Variants in RASGEF1C observed in about 807,000 individuals in gnomAD.
RASGEF1C encodes the protein RasGEF domain family member 1C.
In RASGEF1C, 27 loss-of-function variants were observed where a neutral mutation model predicts 58.1. The ratio of observed to expected loss-of-function variants is 0.46; its 90% CI spans 0.34 to 0.64. The LOEUF (loss-of-function observed/expected upper bound fraction) is 0.64, where lower values mean the gene tolerates loss of function less well. Ranked by LOEUF, RASGEF1C falls within the 30% of genes least tolerant of loss-of-function variation. The pLI is 0.01. For synonymous variants in RASGEF1C, 243 were observed against 246.3 expected, an observed-to-expected ratio of 0.99 and a Z score of 0.13; for missense variants, 502 against 605.1, an observed-to-expected ratio of 0.83 and a Z score of 1.79.
intron 1 of RASGEF1C, among the ~76,000 whole-genome samples, chr5:180,157,098 A>G (rs1766863797): frequency 6.6e-6 from 1 of 152,272 alleles, no homozygotes; most frequent in South Asian, 2.1e-4. Context: ...TTTGCAATGC[A>G]GCTTGGCAGT....
intron 1 of RASGEF1C, among the ~76,000 whole-genome samples, chr5:180,190,455 A>G (rs79948734): frequency 1.8e-5 from 2 of 112,996 alleles, no homozygotes; most frequent in Non-Finnish European, 4.0e-5. Context: ...GCGCCACTGC[A>G]CTCCAGACTG....
intron 1 of RASGEF1C, among the ~76,000 whole-genome samples, chr5:180,176,847 C>T (rs116237389): frequency 0.029 from 4,383 of 152,266 alleles, 211 homozygotes; most frequent in African/African-American, 0.1. Flanking sequence ...TGAGCCACCG[C>T]GCCTGGTCCC....
At position 180,156,549 on chromosome 5, in the gene RASGEF1C, G is replaced by A. The variant is rs865952175; in HGVS notation, c.-6-18491C>T. Among the ~76,000 whole-genome samples, 1 of 152,282 alleles carries A rather than the reference G, an allele frequency of 6.6e-6. No homozygotes were observed. The highest frequency in any genetic ancestry group is 2.4e-5 in the African/African-American group (1 of 41,562). On this transcript the variant is annotated intron_variant, in intron 1 of 13. Coordinates refer to ENST00000361132, the MANE Select transcript of RASGEF1C (RefSeq NM_175062.4). The surrounding 1 kb of genome is among the most constrained non-coding windows in gnomAD (Gnocchi z 4.9). The stretch of plus-strand genomic sequence containing the variant: ...CTTTGGGAAGCTGAGCATGCAGAGT[G>A]CTTGAGTCCAGCAGTTCAAGACCAG...
chr5:180,116,495 T>A (rs955889230), intron 10 of RASGEF1C, among the ~76,000 whole-genome samples: 2 of 152,148 alleles, frequency 1.3e-5, no homozygotes, highest in Admixed American at 6.5e-5. Flanking sequence ...TAAAGCAGCT[T>A]TTGTGGGCCT....
intron 1 of RASGEF1C, among the ~76,000 whole-genome samples, chr5:180,166,579 G>A (rs1001771758): frequency 6.7e-6 from 1 of 150,002 alleles, no homozygotes; most frequent in South Asian, 2.1e-4. Context: ...GCAATGGCAC[G>A]ATCTCAGCTC....
chr5:180,135,197 G>A (rs2113275110), intron 4 of RASGEF1C: 1 of 152,312 alleles, frequency 6.6e-6, no homozygotes, highest in South Asian at 2.1e-4. Context: ...GTGGGGAGGA[G>A]GAAGAGGAAA....
intron 12 of RASGEF1C, among the ~76,000 whole-genome samples, chr5:180,110,881 T>C (rs941797455): frequency 1.3e-5 from 2 of 152,048 alleles, no homozygotes; most frequent in Non-Finnish European, 2.9e-5. Flanking sequence ...AGTGGTGCGA[T>C]CTCGGCTCAC....
chr5:180,127,822 G>A (rs1000966441), intron 5 of RASGEF1C, 139 bp from the exon 6 acceptor site: 1 of 746,760 alleles, frequency 1.3e-6, no homozygotes, highest in Non-Finnish European at 2.1e-6. Flanking sequence ...CTGGGGCTTG[G>A]AGACCCTGTT....
chr5:180,193,857 C>T (rs1055655920), intron 1 of RASGEF1C, among the ~76,000 whole-genome samples: 2 of 152,112 alleles, frequency 1.3e-5, no homozygotes. Context: ...CCCCATCAGT[C>T]CAGGAGGAAT....
rs1345119294 is a variant in RASGEF1C, at chr5:180,143,122, G to A, written c.-6-5064C>T. Among the ~76,000 whole-genome samples the A allele has an allele frequency of 1.3e-5, 2 of 152,158 alleles. No homozygotes were observed. Among genetic ancestry groups the A allele is most frequent in the East Asian group, 1.9e-4 (1 of 5,174 alleles). The stretch of plus-strand genomic sequence containing the variant: ...TGCAGCAGTTCAAGAGACAGCAGGC[G>A]AGGATTGTGTGGGGTCAGGTCTGCA... On this transcript the variant is annotated intron_variant, in intron 1 of 13. Transcript: ENST00000361132. The surrounding 1 kb of genome is among the most constrained non-coding windows in gnomAD (Gnocchi z 4.3).
intron 1 of RASGEF1C, among the ~76,000 whole-genome samples, chr5:180,161,597 CTG>C (rs1298729052): frequency 1.3e-5 from 2 of 152,232 alleles, no homozygotes; most frequent in African/African-American, 4.8e-5. Context: ...GGATCCGGGG[CTG>C]TGAGGGCGGC....
chr5:180,162,740 C>T (rs1268797073), intron 1 of RASGEF1C, among the ~76,000 whole-genome samples: 3 of 152,118 alleles, frequency 2.0e-5, no homozygotes, highest in Non-Finnish European at 4.4e-5. Context: ...TTTAGAATTA[C>T]TTTATATATT....
intron 1 of RASGEF1C, among the ~76,000 whole-genome samples, chr5:180,171,946 G>A (rs1462364218): frequency 6.6e-6 from 1 of 152,136 alleles, no homozygotes; most frequent in African/African-American, 2.4e-5. Flanking sequence ...TCTGTAAAGT[G>A]GGCTCACGAG....
At chr5:180,174,061 C>T (rs1001879138) in intron 1 of RASGEF1C, among the ~76,000 whole-genome samples, 1 of 152,012 alleles carries the variant, frequency 6.6e-6, no homozygotes, top group East Asian at 1.9e-4. Context: ...CTCTCGGGGG[C>T]TCCTTCCGCC....
Position 180,104,527 on chromosome 5 carries a change from A to C in RASGEF1C, c.1304-2384T>G, listed in dbSNP as rs542654416. 1.1e-4 allele frequency among the ~76,000 whole-genome samples: 16 copies of C among 152,358 alleles called. No individual in the cohort carries two copies. In the South Asian group the frequency reaches 2.9e-3, roughly 28 times the overall value. ...TATATATATAAACTCAGTGGTAAGAAAATGTCTGTTGTTTATGAATTACCC... is the reference window on the plus strand; with the variant it reads ...TATATATATAAACTCAGTGGTAAGACAATGTCTGTTGTTTATGAATTACCC... On this transcript the variant is annotated intron_variant, in intron 12 of 13. Transcript: ENST00000361132.
chr5:180,190,118 G>GT (rs1226524080), intron 1 of RASGEF1C, among the ~76,000 whole-genome samples: 1 of 151,948 alleles, frequency 6.6e-6, no homozygotes, highest in East Asian at 1.9e-4. Flanking sequence ...GGAGGCCAAG[G>GT]TATTAATAGG....
chr5:180,128,148 G>C (rs113842304), intron 5 of RASGEF1C, among the ~76,000 whole-genome samples: 2,199 of 152,334 alleles, frequency 0.014, 62 homozygotes, highest in African/African-American at 0.048. Context: ...GCGAGCGCAC[G>C]GGAGCGCGCT....
At chr5:180,199,218 G>A (rs978716871) in intron 1 of RASGEF1C, among the ~76,000 whole-genome samples, 1 of 152,186 alleles carries the variant, frequency 6.6e-6, no homozygotes, top group African/African-American at 2.4e-5. Flanking sequence ...TGCTTAGCCT[G>A]CATTGAGTTT....
chr5:180,147,410 T>C (rs1042169545), intron 1 of RASGEF1C, among the ~76,000 whole-genome samples: 6 of 152,152 alleles, frequency 3.9e-5, no homozygotes, highest in Admixed American at 6.5e-5. Context: ...TATTTTGAGA[T>C]CTTTCTTCTT....
Sources: allele counts gnomAD v4.1 joint callset (sites outside exome capture counted in the v4.1 genomes callset), GRCh38; gene constraint gnomAD v4.1.1; non-coding constraint Gnocchi (gnomAD v3.1); transcripts MANE v1.5; gene names NCBI Gene and HGNC (gene_info 2026-07-23, HGNC 2026-07-21).